NAALADL2: variants seen among roughly 807,000 people sequenced by gnomAD.
The protein encoded by NAALADL2 is inactive N-acetylated-alpha-linked acidic dipeptidase-like protein 2.
Under a neutral mutation model 87.2 loss-of-function variants are expected in NAALADL2, and 76 were observed. The observed-to-expected ratio is 0.87, with a 90% confidence interval of 0.72 to 1.05. The LOEUF (loss-of-function observed/expected upper bound fraction) is 1.05. Ranked by LOEUF, NAALADL2 falls within the 50% of genes least tolerant of loss-of-function variation. NAALADL2 has a pLI of 0.00. For synonymous variants in NAALADL2, 354 were observed against 331.0 expected (o/e 1.07, Z -0.75); for missense variants, 1,089 against 945.8 (o/e 1.15, Z -1.99).
rs909030475 is a variant in NAALADL2 at position 175,707,159 on chromosome 3, T to C, written c.1897-30147T>C. ...TATTAAACATGTGCAGATGTTGTTCTGGACCAGGGCAAGATAGTAAATATT... is the reference window on the plus strand; with the variant it reads ...TATTAAACATGTGCAGATGTTGTTCCGGACCAGGGCAAGATAGTAAATATT... On this transcript the variant is annotated intron_variant, in intron 11 of 13. Transcript: ENST00000454872. Among the ~76,000 whole-genome samples the C allele has an allele frequency of 2.0e-5, 3 of 152,136 alleles. No homozygotes were observed. In the East Asian group the frequency reaches 5.8e-4, roughly 29 times the overall value.
At chr3:174,782,938 C>T (rs892489531) in intron 3 of NAALADL2, among the ~76,000 whole-genome samples, 1 of 152,070 alleles carries the variant, frequency 6.6e-6, no homozygotes, top group African/African-American at 2.4e-5. Flanking sequence ...CACAGCCAAA[C>T]CATATCATAA....
chr3:174,670,500 C>T (rs1488942625), intron 2 of NAALADL2, among the ~76,000 whole-genome samples: 2 of 151,268 alleles, frequency 1.3e-5, no homozygotes, highest in African/African-American at 4.9e-5. Flanking sequence ...TTTTTTTCTT[C>T]CCAGACCCAA....
intron 6 of NAALADL2, among the ~76,000 whole-genome samples, chr3:175,452,090 G>T (rs1721659980): frequency 6.6e-6 from 1 of 152,074 alleles, no homozygotes; most frequent in African/African-American, 2.4e-5. Flanking sequence ...TCTATTAAAA[G>T]GAAATGTTAG....
intron 5 of NAALADL2, among the ~76,000 whole-genome samples, chr3:175,374,553 GA>G (rs765485400): frequency 0.011 from 497 of 45,366 alleles, no homozygotes; most frequent in African/African-American, 0.012. Flanking sequence ...TGCATCTCCA[GA>G]AAAAAAAAAA....
chr3:175,729,970 G>C (rs1474831616), intron 11 of NAALADL2, among the ~76,000 whole-genome samples: 20 of 151,956 alleles, frequency 1.3e-4, no homozygotes, highest in Admixed American at 1.3e-3. Flanking sequence ...ATAAACTATG[G>C]TTACTTTAAT....
rs184535724 is a variant in NAALADL2, at chr3:174,614,069, G to A, written c.-115+63432G>A. 2.5e-4 allele frequency among the ~76,000 whole-genome samples: 38 copies of A among 152,270 alleles called. No individual in the cohort carries two copies. The East Asian group carries it at 7.0e-3, about 28-fold the overall frequency. ...GCTAGTATCTAAAATAGGAGACAAAGTCCTCTTCACTTTCGCTTTCCTCTC... is the reference window on the plus strand; with the variant it reads ...GCTAGTATCTAAAATAGGAGACAAAATCCTCTTCACTTTCGCTTTCCTCTC... On this transcript the variant is annotated intron_variant, in intron 2 of 3. Transcript: ENST00000434257.
intron 2 of NAALADL2, among the ~76,000 whole-genome samples, chr3:174,610,684 G>A (rs1719735231): frequency 6.6e-6 from 1 of 152,156 alleles, no homozygotes; most frequent in South Asian, 2.1e-4. Context: ...TGGAGAGGAT[G>A]TGGAGAAATA....
intron 1 of NAALADL2, among the ~76,000 whole-genome samples, chr3:174,884,006 C>A (rs1729751807): frequency 6.6e-6 from 1 of 152,152 alleles, no homozygotes; most frequent in Admixed American, 6.5e-5. Flanking sequence ...CTGTAACTCC[C>A]TTCTTAGCCT....
At chr3:175,046,208 GC>G (rs1349352123) in intron 1 of NAALADL2, among the ~76,000 whole-genome samples, 1 of 152,048 alleles carries the variant, frequency 6.6e-6, no homozygotes, top group Admixed American at 6.6e-5. Flanking sequence ...ACTTTTCTGT[GC>G]ATGTGTCTTC....
intron 2 of NAALADL2, among the ~76,000 whole-genome samples, chr3:174,613,373 C>T (rs527477002): frequency 2.0e-5 from 3 of 152,284 alleles, no homozygotes; most frequent in African/African-American, 7.2e-5. Flanking sequence ...ACAGTGAGTT[C>T]CTGCAGGCCC....
chr3:175,526,230 G>C (rs1733398185), intron 9 of NAALADL2, among the ~76,000 whole-genome samples: 2 of 152,106 alleles, frequency 1.3e-5, no homozygotes, highest in Non-Finnish European at 2.9e-5. Flanking sequence ...GTAAGCTTCA[G>C]TTTTTAAAAA....
intron 11 of NAALADL2, among the ~76,000 whole-genome samples, chr3:175,667,238 A>AGAAC (rs1733267860): frequency 9.8e-6 from 1 of 101,792 alleles, no homozygotes; most frequent in East Asian, 2.5e-4. Flanking sequence ...AAAGAAAGAA[A>AGAAC]GAAAAAGAAA....
intron 5 of NAALADL2, among the ~76,000 whole-genome samples, chr3:175,425,178 G>C (rs1036683858): frequency 2.6e-5 from 4 of 152,118 alleles, no homozygotes; most frequent in Non-Finnish European, 2.9e-5. Flanking sequence ...TACGGTATCA[G>C]TAGAGGAGTA....
chr3:175,324,397 A>G, intron 5 of NAALADL2, 72 bp downstream of exon 5: 1 of 1,204,386 alleles, frequency 8.3e-7, no homozygotes, highest in Non-Finnish European at 1.2e-6. Context: ...AATAAATGCT[A>G]TCTATCAGGA....
intron 5 of NAALADL2, among the ~76,000 whole-genome samples, chr3:175,366,916 A>G (rs1248000114): frequency 6.6e-6 from 1 of 151,650 alleles, no homozygotes; most frequent in Non-Finnish European, 1.5e-5. Flanking sequence ...TTGGTGTTTT[A>G]GACTTGAAGT....
At chr3:175,308,106 T>C (rs1057367770) in intron 4 of NAALADL2, among the ~76,000 whole-genome samples, 7 of 152,206 alleles carry the variant, frequency 4.6e-5, no homozygotes, top group Non-Finnish European at 8.8e-5. Flanking sequence ...TCATGTGGGA[T>C]AGACATTTTT....
At chr3:175,082,131 A>T (rs564599317) in intron 1 of NAALADL2, among the ~76,000 whole-genome samples, 16 of 152,152 alleles carry the variant, frequency 1.1e-4, no homozygotes, top group Non-Finnish European at 2.1e-4. Context: ...CTAAAGTCAC[A>T]CTATCAGTGG....
intron 11 of NAALADL2, among the ~76,000 whole-genome samples, chr3:175,649,211 A>C (rs1245409761): frequency 6.6e-6 from 1 of 152,162 alleles, no homozygotes; most frequent in East Asian, 1.9e-4. Flanking sequence ...TCTTCAATCC[A>C]AGACTACTCA....
intron 3 of NAALADL2, among the ~76,000 whole-genome samples, chr3:174,776,308 C>G (rs1323178356): frequency 6.6e-6 from 1 of 152,004 alleles, no homozygotes; most frequent in Non-Finnish European, 1.5e-5. Context: ...AAAGTGTATA[C>G]GATCTGGGTA....
Sources: allele counts gnomAD v4.1 joint callset (sites outside exome capture counted in the v4.1 genomes callset), GRCh38; gene constraint gnomAD v4.1.1; transcripts MANE v1.5; gene names NCBI Gene and HGNC (gene_info 2026-07-23, HGNC 2026-07-21).